The following JAKMIP2 variants were observed in gnomAD, a reference collection of about 807,000 sequenced individuals.
JAKMIP2 encodes janus kinase and microtubule-interacting protein 2.
In JAKMIP2, 25 loss-of-function variants were observed where a neutral mutation model predicts 115.0. The ratio of observed to expected loss-of-function variants is 0.22; its 90% CI spans 0.16 to 0.30. The LOEUF is 0.30. JAKMIP2 is among the 10% of genes least tolerant of loss of function. The pLI, the probability that JAKMIP2 is intolerant of heterozygous loss-of-function variation, is 1.00. For synonymous variants in JAKMIP2, 334 were observed against 343.6 expected, an observed-to-expected ratio of 0.97 and a Z score of 0.31; for missense variants, 642 against 957.6, an observed-to-expected ratio of 0.67 and a Z score of 4.35.
chr5:147,648,175 G>A (rs939875955), intron 5 of JAKMIP2, among the ~76,000 whole-genome samples: 4 of 152,148 alleles, frequency 2.6e-5, no homozygotes, highest in African/African-American at 9.7e-5. Context: ...ACAAGAAGCG[G>A]GGGTGTGAGA....
chr5:147,632,577 A>T lies in JAKMIP2; in HGVS notation c.1776+103T>A, dbSNP rs1757416551. 3 of 752,276 alleles carry T rather than the reference A, an allele frequency of 4.0e-6. No homozygotes were observed. In the East Asian group the frequency reaches 7.5e-5, roughly 19 times the overall value. 46.6% of individuals were successfully genotyped at this position (752,276 alleles called of 1,614,324 possible). On this transcript the variant is annotated intron_variant, in intron 13 of 21. Transcript: ENST00000616793. The stretch of plus-strand genomic sequence containing the variant: ...AGGGTGATTGTGAGGTCCAAATGAG[A>T]GTATGAATCTGAAATGCTTAATACA...
intron 21 of JAKMIP2, among the ~76,000 whole-genome samples, chr5:147,600,970 G>C (rs2126582330): frequency 6.6e-6 from 1 of 152,154 alleles, no homozygotes; most frequent in East Asian, 1.9e-4. Flanking sequence ...CTGGGGAAAA[G>C]GGGTGAAAAA....
rs188917139 is a variant in JAKMIP2, at chr5:147,678,899, T to G, written c.-148-6945A>C. Among the ~76,000 whole-genome samples, 7 of 152,298 alleles carry G rather than the reference T, an allele frequency of 4.6e-5. No homozygotes were observed. In the East Asian group the frequency reaches 1.4e-3, roughly 29 times the overall value. On this transcript the variant is annotated intron_variant, in intron 1 of 21. Coordinates refer to ENST00000616793, the MANE Select transcript of JAKMIP2 (RefSeq NM_001270941.2). Reference sequence around the variant, plus strand: ...CAATCTTAGGTTATAATCCTGGTTGTATACTCTGTGCAGGAAAGTAAAAAT... The same window carrying G: ...CAATCTTAGGTTATAATCCTGGTTGGATACTCTGTGCAGGAAAGTAAAAAT...
At chr5:147,669,701 G>GGAGAGTTAA (rs1292653044) in intron 2 of JAKMIP2, among the ~76,000 whole-genome samples, 1 of 152,180 alleles carries the variant, frequency 6.6e-6, no homozygotes, top group African/African-American at 2.4e-5. Flanking sequence ...GTTGCTGCAG[G>GGAGAGTTAA]GAGAGTTAAG....
intron 1 of JAKMIP2, among the ~76,000 whole-genome samples, chr5:147,724,761 C>T (rs952590486): frequency 6.6e-5 from 10 of 152,160 alleles, no homozygotes; most frequent in Non-Finnish European, 1.2e-4. Context: ...TAAGTTTGAA[C>T]TGGTTTTAAA....
intron 21 of JAKMIP2, among the ~76,000 whole-genome samples, chr5:147,601,455 T>A (rs192245136): frequency 6.6e-6 from 1 of 152,080 alleles, no homozygotes; most frequent in African/African-American, 2.4e-5. Flanking sequence ...AAAAATTAGC[T>A]GAGCATGGTG....
chr5:147,634,692 C>T (rs983409042), intron 12 of JAKMIP2, among the ~76,000 whole-genome samples: 9 of 152,118 alleles, frequency 5.9e-5, no homozygotes, highest in African/African-American at 2.2e-4. Flanking sequence ...TGAATACCTG[C>T]CCACTCTGTA....
intron 3 of JAKMIP2, among the ~76,000 whole-genome samples, chr5:147,654,213 G>A (rs1561516854): frequency 6.9e-6 from 1 of 145,914 alleles, no homozygotes; most frequent in South Asian, 2.2e-4. Context: ...GGTTCCATAT[G>A]AAATTTAAAG....
intron 1 of JAKMIP2, among the ~76,000 whole-genome samples, chr5:147,680,403 A>G (rs1280217526): frequency 1.3e-5 from 2 of 152,326 alleles, no homozygotes; most frequent in African/African-American, 4.8e-5. Context: ...GCCCCAAGCT[A>G]TAAGCTGAAT....
At chr5:147,635,784 C>T (rs1470554964) in intron 12 of JAKMIP2, among the ~76,000 whole-genome samples, 1 of 152,208 alleles carries the variant, frequency 6.6e-6, no homozygotes, top group Non-Finnish European at 1.5e-5. Context: ...TGGTCTCAAA[C>T]TCCTGACCTC....
At chr5:147,781,869 C>T (rs1755770052) in intron 1 of JAKMIP2, among the ~76,000 whole-genome samples, 1 of 152,046 alleles carries the variant, frequency 6.6e-6, no homozygotes, top group Non-Finnish European at 1.5e-5. Flanking sequence ...TCTGTATATC[C>T]ATAAGATATA....
intron 1 of JAKMIP2, among the ~76,000 whole-genome samples, chr5:147,701,045 G>C (rs1323841182): frequency 2.6e-5 from 4 of 152,066 alleles, no homozygotes; most frequent in Non-Finnish European, 5.9e-5. Context: ...GAGTCCTGTA[G>C]GCTATGGTAA....
intron 1 of JAKMIP2, among the ~76,000 whole-genome samples, chr5:147,765,655 T>A (rs1484127334): frequency 6.6e-6 from 1 of 152,164 alleles, no homozygotes; most frequent in African/African-American, 2.4e-5. Flanking sequence ...GAAATTCTTT[T>A]TGGTTTGTCC....
chr5:147,764,935 AGAGAGAGAGAGG>A (rs1755076295), intron 1 of JAKMIP2, among the ~76,000 whole-genome samples: 2 of 102,328 alleles, frequency 2.0e-5, no homozygotes, highest in African/African-American at 1.0e-4. Context: ...AGAGAGAGAG[AGAGAGAGAGAGG>A]GAGAGAGAGA....
At chr5:147,696,269 G>A (rs1323768775) in intron 1 of JAKMIP2, among the ~76,000 whole-genome samples, 4 of 152,142 alleles carry the variant, frequency 2.6e-5, no homozygotes, top group Admixed American at 2.6e-4. Flanking sequence ...TAATCCCCAT[G>A]TGTCATGGGA....
At chr5:147,774,449 C>T (rs1454466870) in intron 1 of JAKMIP2, among the ~76,000 whole-genome samples, 1 of 152,120 alleles carries the variant, frequency 6.6e-6, no homozygotes, top group Non-Finnish European at 1.5e-5. Flanking sequence ...AATTGGTTAT[C>T]ATCATATAAA....
At chr5:147,593,932 A>G (rs558490474) in intron 21 of JAKMIP2, among the ~76,000 whole-genome samples, 18 of 152,334 alleles carry the variant, frequency 1.2e-4, no homozygotes, top group Middle Eastern at 3.4e-3. Context: ...CAAACACAAA[A>G]AGTCTTTTAC....
At chr5:147,650,188 C>T (rs1249571489) in intron 4 of JAKMIP2, 150 bp downstream of exon 4, 1 of 620,552 alleles carries the variant, frequency 1.6e-6, no homozygotes, top group Non-Finnish European at 2.9e-6. Context: ...GTTTAGAAAA[C>T]CCTGTTCTCA....
intron 20 of JAKMIP2, among the ~76,000 whole-genome samples, chr5:147,609,882 T>C (rs1050220432): frequency 3.3e-5 from 5 of 152,184 alleles, no homozygotes; most frequent in Non-Finnish European, 7.3e-5. Context: ...TTTGTTCATT[T>C]CTTTTCATTC....
Sources: gnomAD v4.1 joint callset for allele counts (sites outside exome capture counted in the v4.1 genomes callset) on GRCh38, gnomAD v4.1.1 for gene constraint, MANE v1.5 for transcripts, NCBI Gene and HGNC (gene_info 2026-07-23, HGNC 2026-07-21) for gene names.